Variants in ERBIN observed in about 807,000 individuals in gnomAD.
The protein encoded by ERBIN is densin-180-like protein.
Under a neutral mutation model 158.4 loss-of-function variants are expected in ERBIN, and 60 were observed. The observed-to-expected ratio is 0.38, with a 90% CI of 0.31 to 0.47. The LOEUF (loss-of-function observed/expected upper bound fraction) is 0.47, where lower values mean the gene tolerates loss of function less well. Ranked by LOEUF, ERBIN falls within the 20% of genes least tolerant of loss-of-function variation. ERBIN has a pLI of 0.99. For synonymous variants in ERBIN, 594 were observed against 557.2 expected (o/e 1.07, Z -0.93); for missense variants, 1,610 against 1,648.0 (o/e 0.98, Z 0.40).
At chr5:66,063,300 G>T (rs1377532875) in intron 21 of ERBIN, among the ~76,000 whole-genome samples, 1 of 152,316 alleles carries the variant, frequency 6.6e-6, no homozygotes, top group East Asian at 1.9e-4. Context: ...TGCTGTGCTA[G>T]CAATGAGCGA....
chr5:65,940,408 A>C, intron 1 of ERBIN, among the ~76,000 whole-genome samples: 1 of 116,140 alleles, frequency 8.6e-6, no homozygotes, highest in Admixed American at 8.9e-5. Flanking sequence ...CTCGTCCGGG[A>C]GGGAGGTGGG....
chr5:66,071,588 A>G (rs1389892409), intron 21 of ERBIN, among the ~76,000 whole-genome samples: 2 of 152,150 alleles, frequency 1.3e-5, no homozygotes, highest in African/African-American at 2.4e-5. Context: ...CAAATTTTAT[A>G]TTCATTTCAC....
intron 1 of ERBIN, among the ~76,000 whole-genome samples, chr5:65,959,448 A>T (rs1747674342): frequency 6.6e-6 from 1 of 152,198 alleles, no homozygotes; most frequent in African/African-American, 2.4e-5. Flanking sequence ...GTAGTTTAAT[A>T]TATTTTATGA....
intron 20 of ERBIN, among the ~76,000 whole-genome samples, chr5:66,051,798 G>A (rs1432914163): frequency 2.6e-5 from 4 of 151,982 alleles, no homozygotes; most frequent in Admixed American, 1.3e-4. Flanking sequence ...GGGAGGCTGA[G>A]GTGGGAGGAT....
intron 14 of ERBIN, among the ~76,000 whole-genome samples, chr5:66,038,066 A>G (rs1757561701): frequency 6.6e-6 from 1 of 152,218 alleles, no homozygotes; most frequent in African/African-American, 2.4e-5. Flanking sequence ...TAACTGTATT[A>G]AATATATCAC....
intron 1 of ERBIN, among the ~76,000 whole-genome samples, chr5:65,939,691 C>T (rs1223674074): frequency 2.6e-5 from 4 of 152,154 alleles, no homozygotes; most frequent in South Asian, 2.1e-4. Context: ...CGATTGCAGG[C>T]GTGCGCCACC....
At chr5:66,055,149 A>T in intron 21 of ERBIN, 198 bp downstream of exon 21, 2 of 1,289,040 alleles carry the variant, frequency 1.6e-6, no homozygotes, top group Non-Finnish European at 9.9e-7. Context: ...CCTCTCCTTC[A>T]CTCCCCACTG....
intron 1 of ERBIN, among the ~76,000 whole-genome samples, chr5:65,944,226 A>T (rs72768100): frequency 0.026 from 358 of 14,020 alleles, 92 homozygotes; most frequent in Non-Finnish European, 0.039. Context: ...TTTTTTTTTT[A>T]AGGAACCACC....
chr5:66,053,846 G>C lies in ERBIN; in HGVS notation c.2528G>C (p.Cys843Ser). ...PNRTEPHDSD[C>S]SVDLGISKST... ...AGGACTGAACCACATGACAGTGATTGTTCTGTTGACTTAGGTATTTCCAAA... is the reference window on the plus strand; with the variant it reads ...AGGACTGAACCACATGACAGTGATTCTTCTGTTGACTTAGGTATTTCCAAA... Residue 843 changes from cysteine to serine, a missense_variant, in exon 21 of 26, where the codon TGT (cysteine) becomes TCT (serine). Coordinates refer to ENST00000284037, the MANE Select transcript of ERBIN (RefSeq NM_001253697.2). 4 of 1,614,098 alleles carry C rather than the reference G, an allele frequency of 2.5e-6. No individual in the cohort carries two copies. The highest frequency in any genetic ancestry group is 2.5e-6 in the Non-Finnish European group (3 of 1,180,010).
chr5:65,934,472 C>G (rs1454285428), intron 1 of ERBIN, among the ~76,000 whole-genome samples: 2 of 151,724 alleles, frequency 1.3e-5, no homozygotes, highest in East Asian at 3.9e-4. Flanking sequence ...AGATGACAGG[C>G]CTAGTTATTC....
intron 1 of ERBIN, among the ~76,000 whole-genome samples, chr5:65,941,670 C>T (rs1052627217): frequency 6.6e-6 from 1 of 152,090 alleles, no homozygotes. Context: ...GGAAAAGGAT[C>T]TTTGTCACTA....
chr5:66,002,687 T>G (rs1456072360), intron 4 of ERBIN, among the ~76,000 whole-genome samples: 3 of 151,162 alleles, frequency 2.0e-5, no homozygotes, highest in Non-Finnish European at 4.4e-5. Flanking sequence ...AAAGCAGTTC[T>G]TTTAACTTGA....
chr5:66,021,129 GATA>G (rs1231248118), intron 7 of ERBIN, among the ~76,000 whole-genome samples, 190 bp from the exon 8 acceptor site: 6 of 151,450 alleles, frequency 4.0e-5, no homozygotes, highest in African/African-American at 1.2e-4. Context: ...GGCAAAATAA[GATA>G]ATAACTGATA....
intron 2 of ERBIN, among the ~76,000 whole-genome samples, chr5:65,988,941 C>G (rs1463580704): frequency 7.0e-6 from 1 of 143,026 alleles, no homozygotes; most frequent in Non-Finnish European, 1.5e-5. Flanking sequence ...CAAGATCGCA[C>G]CACTGCACTC....
chr5:66,025,428 AC>A lies in ERBIN; in HGVS notation c.818-51del, dbSNP rs1756133312. The stretch of plus-strand genomic sequence containing the variant: ...TATGTCTCACACTGACTGTTGGTGG[AC>A]TTGCTTCTATTTTAAGCTGAAAAAT... On this transcript the variant is annotated intron_variant, in intron 10 of 25. Coordinates refer to ENST00000284037, the MANE Select transcript of ERBIN (RefSeq NM_001253697.2). 3.0e-6 allele frequency: 4 copies of A among 1,331,192 alleles called. No individual in the cohort carries two copies. The African/African-American group carries it at 4.3e-5, about 14-fold the overall frequency. 82.5% of individuals were successfully genotyped at this position (1,331,192 alleles called of 1,614,324 possible). A position where few individuals can be genotyped will look rare whatever the true frequency, so the allele number is the denominator to read the frequency against.
intron 13 of ERBIN, among the ~76,000 whole-genome samples, chr5:66,027,027 CAG>C (rs897388913): frequency 8.6e-5 from 13 of 151,896 alleles, no homozygotes; most frequent in African/African-American, 3.1e-4. Context: ...AAGTTAAAAA[CAG>C]AATGTCCATA....
At chr5:66,018,958 A>C (rs1426941994) in intron 7 of ERBIN, among the ~76,000 whole-genome samples, 1 of 151,926 alleles carries the variant, frequency 6.6e-6, no homozygotes, top group Non-Finnish European at 1.5e-5. Flanking sequence ...TTTTGTAACT[A>C]CTATAAATGG....
Position 66,046,445 on chromosome 5 carries a change from A to G in ERBIN, c.1695A>G (p.Glu565=), listed in dbSNP as rs747506228. The G allele has an allele frequency of 6.2e-7, 1 of 1,612,594 alleles. No homozygotes were observed. Among genetic ancestry groups the G allele is most frequent in the African/African-American group, 1.3e-5 (1 of 75,000 alleles). The change falls in exon 18 of 26, where the codon GAA becomes GAG. Residue 565 remains glutamate, a synonymous_variant. Coordinates refer to ENST00000284037, the MANE Select transcript of ERBIN (RefSeq NM_001253697.2). Reference sequence around the variant, plus strand: ...CTGTACAGAAGATCAGTGAACCTGAAGCTGAGATTAGTCCTGGGAGTTTAC... The same window carrying G: ...CTGTACAGAAGATCAGTGAACCTGAGGCTGAGATTAGTCCTGGGAGTTTAC... ...GNSVQKISEP[E]AEISPGSLPV...
rs1241896066 is a variant in ERBIN at position 66,024,305 on chromosome 5, G to T, written c.673-1G>T. 1.3e-6 allele frequency: 2 copies of T among 1,500,718 alleles called. No homozygotes were observed. The highest frequency in any genetic ancestry group is 2.1e-5 in the Admixed American group (1 of 48,338). The allele number at this position is 1,500,718 out of a possible 1,614,324, so 93.0% of individuals were successfully genotyped here. A position where few individuals can be genotyped will look rare whatever the true frequency, so the allele number is the denominator to read the frequency against. On this transcript the variant is annotated splice_acceptor_variant, in intron 9 of 25. Transcript: ENST00000284037. LOFTEE classifies it high-confidence loss of function. ...ATTAGATTTTCTTTTTTTACTTATAGTTTATTGGTAGTTTGAAACAGCTCA... is the reference window on the plus strand; with the variant it reads ...ATTAGATTTTCTTTTTTTACTTATATTTTATTGGTAGTTTGAAACAGCTCA...
Sources: gnomAD v4.1 joint callset for allele counts (sites outside exome capture counted in the v4.1 genomes callset) on GRCh38, gnomAD v4.1.1 for gene constraint, MANE v1.5 for transcripts, NCBI Gene and HGNC (gene_info 2026-07-23, HGNC 2026-07-21) for gene names.